The following ZNF605 variants were observed in gnomAD, a reference collection of about 807,000 sequenced individuals.
ZNF605 encodes zinc finger protein 605.
A neutral mutation model predicts 7.9 loss-of-function variants in ZNF605; 9 were observed. The observed-to-expected ratio is 1.14, with a 90% CI of 0.68 to 1.98. The LOEUF (loss-of-function observed/expected upper bound fraction) is 1.98, where lower values mean the gene tolerates loss of function less well. ZNF605 is among the 30% of genes most tolerant of loss of function. The probability of loss-of-function intolerance (pLI) is 0.00; values close to 1 mark genes in which losing one functional copy is unlikely to be tolerated. For synonymous variants in ZNF605, 255 were observed against 260.1 expected (o/e 0.98, Z 0.19); for missense variants, 673 against 762.4 (o/e 0.88, Z 1.38).
chr12:132,933,305 G>A lies in ZNF605; in HGVS notation c.16-150C>T. On this transcript the variant is annotated intron_variant, in intron 3 of 4. Transcript: ENST00000360187. This position sits in a 1 kb window ranked among gnomAD's most constrained non-coding sequence, Gnocchi z 4.4. Reference sequence around the variant, plus strand: ...TGCTTTTGCATAATCCTCCCCTCTTGACCGTGGGCTGGACTCACTGACTCA... The same window carrying A: ...TGCTTTTGCATAATCCTCCCCTCTTAACCGTGGGCTGGACTCACTGACTCA... 1.2e-6 allele frequency: 1 copy of A among 862,964 alleles called. No individual in the cohort carries two copies. The highest frequency in any genetic ancestry group is 2.2e-5 in the South Asian group (1 of 45,594). The allele number at this position is 862,964 out of a possible 1,614,324, so 53.5% of individuals were successfully genotyped here.
intron 3 of ZNF605, among the ~76,000 whole-genome samples, chr12:132,938,455 C>T (rs1239440159): frequency 6.6e-6 from 1 of 152,030 alleles, no homozygotes; most frequent in African/African-American, 2.4e-5. Context: ...CACACGCCAC[C>T]ACACCCTGCT....
chr12:132,935,195 A>G (rs1952351910), intron 3 of ZNF605, among the ~76,000 whole-genome samples: 1 of 152,208 alleles, frequency 6.6e-6, no homozygotes, highest in African/African-American at 2.4e-5. Flanking sequence ...AGGAAAAAGG[A>G]GGAAAGCTTA....
At chr12:132,927,789 T>G (rs1287650666) in intron 4 of ZNF605, among the ~76,000 whole-genome samples, 3 of 152,108 alleles carry the variant, frequency 2.0e-5, no homozygotes, top group Non-Finnish European at 2.9e-5. Flanking sequence ...CCTGAGTAGC[T>G]GAGACTACAG....
intron 3 of ZNF605, among the ~76,000 whole-genome samples, chr12:132,935,828 G>A (rs1342190066): frequency 6.7e-6 from 1 of 148,452 alleles, no homozygotes; most frequent in Admixed American, 6.8e-5. Flanking sequence ...GGGAGGCGGA[G>A]GTTGCAATGA....
intron 1 of ZNF605, among the ~76,000 whole-genome samples, chr12:132,949,798 A>C (rs922013457): frequency 6.6e-6 from 1 of 152,194 alleles, no homozygotes; most frequent in Non-Finnish European, 1.5e-5. Flanking sequence ...CAGAGCAAGG[A>C]CACTGAGGTA....
At chr12:132,938,819 C>T (rs1225849541) in intron 3 of ZNF605, among the ~76,000 whole-genome samples, 195 of 151,870 alleles carry the variant, frequency 1.3e-3, no homozygotes, top group South Asian at 6.9e-3. Flanking sequence ...TCCGGGTGGG[C>T]GTGGGCTTGG....
intron 4 of ZNF605, 162 bp downstream of exon 4, chr12:132,932,873 G>T: frequency 1.4e-6 from 2 of 1,380,174 alleles, no homozygotes; most frequent in Non-Finnish European, 1.9e-6. Flanking sequence ...TATGTAGAAT[G>T]TTTTATTATA....
Position 132,925,310 on chromosome 12 carries a change from C to A in ZNF605, c.*63G>T. 1 of 1,300,450 alleles carries A rather than the reference C, an allele frequency of 7.7e-7. No homozygotes were observed. Among genetic ancestry groups the A allele is most frequent in the South Asian group, 1.5e-5 (1 of 66,954 alleles). 80.6% of individuals were successfully genotyped at this position (1,300,450 alleles called of 1,614,324 possible). A position where few individuals can be genotyped will look rare whatever the true frequency, so the allele number is the denominator to read the frequency against. ...AGGGTTTCTCTCCCACATGCATCCT[C>A]AAAAGTGTCAGAAAGTATGACACTT... On this transcript the variant is annotated 3_prime_UTR_variant, in exon 5 of 5. Coordinates refer to ENST00000360187, the MANE Select transcript of ZNF605 (RefSeq NM_183238.4).
intron 1 of ZNF605, among the ~76,000 whole-genome samples, chr12:132,951,373 C>A (rs1952563841): frequency 6.7e-6 from 1 of 148,680 alleles, no homozygotes; most frequent in South Asian, 2.1e-4. Context: ...ACACGTACAT[C>A]ACACATATAC....
chr12:132,926,834 C>G lies in ZNF605; in HGVS notation c.465G>C (p.Glu155Asp). Residue 155 changes from glutamate to aspartate, a missense_variant, in exon 5 of 5, where the codon GAG (glutamate) becomes GAC (aspartate). Transcript: ENST00000360187. ...CSTCRKSSNE[E>D]PWLTANHITH... ...TTATGTGATTAGCAGTGAGCCATGG[C>G]TCTTCGTTGCTGGATTTTCTACATG... 6.2e-7 allele frequency: 1 copy of G among 1,614,202 alleles called. No homozygotes were observed. The highest frequency in any genetic ancestry group is 8.5e-7 in the Non-Finnish European group (1 of 1,180,042).
intron 3 of ZNF605, among the ~76,000 whole-genome samples, chr12:132,936,069 C>A (rs1013338707): frequency 1.5e-4 from 23 of 149,976 alleles, no homozygotes; most frequent in Non-Finnish European, 2.5e-4. Context: ...TCAAAAAAAA[C>A]CAAAAAAAAA....
intron 1 of ZNF605, among the ~76,000 whole-genome samples, chr12:132,950,846 T>C (rs1356862835): frequency 6.8e-6 from 1 of 147,962 alleles, no homozygotes; most frequent in Non-Finnish European, 1.5e-5. Context: ...ACATCACACA[T>C]ACAGACATGT....
At chr12:132,939,557 G>T (rs1280660424) in intron 3 of ZNF605, among the ~76,000 whole-genome samples, 2 of 152,164 alleles carry the variant, frequency 1.3e-5, no homozygotes, top group East Asian at 3.9e-4. Flanking sequence ...ATCTGATGGG[G>T]ACGTGGAGAA....
chr12:132,940,485 G>A (rs1434271953), intron 3 of ZNF605, among the ~76,000 whole-genome samples: 1 of 152,184 alleles, frequency 6.6e-6, no homozygotes, highest in Non-Finnish European at 1.5e-5. Context: ...TACTGTGGAT[G>A]CTACAGGACT....
At chr12:132,937,842 C>T (rs79828760) in intron 3 of ZNF605, among the ~76,000 whole-genome samples, 1,714 of 152,266 alleles carry the variant, frequency 0.011, 22 homozygotes, top group Non-Finnish European at 0.018. Flanking sequence ...GTGGCCCATC[C>T]ATACATGGGA....
chr12:132,932,652 C>CT, intron 4 of ZNF605: 1 of 1,108,582 alleles, frequency 9.0e-7, no homozygotes, highest in Non-Finnish European at 1.3e-6. Flanking sequence ...AAGTGCCCAC[C>CT]TGTCATCAAA....
At chr12:132,939,596 C>T (rs1367925945) in intron 3 of ZNF605, among the ~76,000 whole-genome samples, 15 of 151,802 alleles carry the variant, frequency 9.9e-5, no homozygotes, top group Non-Finnish European at 1.6e-4. Context: ...GGATTGTAAA[C>T]GCACCAATCA....
chr12:132,952,913 A>G (rs1174840827), intron 1 of ZNF605, among the ~76,000 whole-genome samples: 1 of 151,728 alleles, frequency 6.6e-6, no homozygotes, highest in African/African-American at 2.4e-5. Flanking sequence ...ACCCACCAAC[A>G]CGGCCCTGCC....
intron 2 of ZNF605, among the ~76,000 whole-genome samples, chr12:132,946,337 A>C (rs1285197725): frequency 1.3e-5 from 2 of 152,232 alleles, no homozygotes; most frequent in African/African-American, 4.8e-5. Flanking sequence ...GAACTAATGT[A>C]AGAGTAAAAA....
Sources: gnomAD v4.1 joint callset for allele counts (sites outside exome capture counted in the v4.1 genomes callset) on GRCh38, gnomAD v4.1.1 for gene constraint, Gnocchi (gnomAD v3.1) non-coding constraint, MANE v1.5 for transcripts, NCBI Gene and HGNC (gene_info 2026-07-23, HGNC 2026-07-21) for gene names.